ARMH3: variants seen among roughly 807,000 people sequenced by gnomAD.
ARMH3 encodes armadillo-like helical domain-containing protein 3.
In ARMH3, 60 loss-of-function variants were observed where a neutral mutation model predicts 99.1. The observed-to-expected ratio is 0.61, with a 90% CI of 0.49 to 0.75. The LOEUF (loss-of-function observed/expected upper bound fraction) is 0.75. Ranked by LOEUF, ARMH3 falls within the 30% of genes least tolerant of loss-of-function variation. The pLI is 0.00. For synonymous variants in ARMH3, 285 were observed against 292.8 expected (o/e 0.97, Z 0.27); for missense variants, 679 against 843.1 (o/e 0.81, Z 2.41).
At chr10:101,914,524 T>C (rs989282745) in intron 23 of ARMH3, among the ~76,000 whole-genome samples, 4 of 150,318 alleles carry the variant, frequency 2.7e-5, no homozygotes, top group African/African-American at 9.8e-5. Context: ...CCTGCTAACA[T>C]AAACCGTTAT....
rs75968713 is a variant in ARMH3, at chr10:102,043,029, G to A, written c.-11-2904C>T. Among the ~76,000 whole-genome samples the A allele has an allele frequency of 5.9e-5, 9 of 152,292 alleles. No homozygotes were observed. The East Asian group carries it at 7.7e-4, about 13-fold the overall frequency. Reference sequence around the variant, plus strand: ...AGAGGTTGCGGTGAGACGAGATTGCGCCACTGCACTCCAGCCTGGGCAACA... The same window carrying A: ...AGAGGTTGCGGTGAGACGAGATTGCACCACTGCACTCCAGCCTGGGCAACA... On this transcript the variant is annotated intron_variant, in intron 1 of 25. Transcript: ENST00000370033.
chr10:101,931,948 C>T (rs1371945713), intron 23 of ARMH3, among the ~76,000 whole-genome samples: 2 of 152,152 alleles, frequency 1.3e-5, no homozygotes, highest in African/African-American at 4.8e-5. Flanking sequence ...CATCAAAGGA[C>T]ACCATCAATG....
intron 23 of ARMH3, among the ~76,000 whole-genome samples, chr10:101,913,729 CT>C (rs1258339000): frequency 6.6e-6 from 1 of 152,180 alleles, no homozygotes; most frequent in African/African-American, 2.4e-5. Flanking sequence ...CTCAGCAGAC[CT>C]GTTTGGTTTG....
intron 8 of ARMH3, among the ~76,000 whole-genome samples, chr10:102,017,889 C>T (rs1273533105): frequency 1.3e-5 from 2 of 152,168 alleles, no homozygotes; most frequent in East Asian, 3.8e-4. Flanking sequence ...TCTTCCATAT[C>T]TCTTCTTATA....
chr10:102,021,485 C>A (rs2066883986), intron 8 of ARMH3, among the ~76,000 whole-genome samples: 1 of 151,918 alleles, frequency 6.6e-6, no homozygotes, highest in Admixed American at 6.6e-5. Context: ...TGGGCTCAAG[C>A]AATCCTCCTG....
At chr10:102,001,658 C>T (rs2066364014) in intron 15 of ARMH3, among the ~76,000 whole-genome samples, 1 of 152,222 alleles carries the variant, frequency 6.6e-6, no homozygotes, top group Admixed American at 6.5e-5. Flanking sequence ...GTGCTAATCC[C>T]TCCACTTCCC....
At chr10:101,883,798 C>T (rs1271790010) in intron 24 of ARMH3, among the ~76,000 whole-genome samples, 1 of 151,802 alleles carries the variant, frequency 6.6e-6, no homozygotes, top group Non-Finnish European at 1.5e-5. Context: ...TCGAGACTAG[C>T]CTGGAAAATA....
At chr10:101,921,590 C>T (rs1257709792) in intron 23 of ARMH3, among the ~76,000 whole-genome samples, 2 of 151,904 alleles carry the variant, frequency 1.3e-5, no homozygotes, top group East Asian at 1.9e-4. Context: ...TAAGTGTCTA[C>T]GAATGGACAA....
At position 101,992,049 on chromosome 10, in the gene ARMH3, A is replaced by G; in HGVS notation, c.1276-11T>C. 6.2e-7 allele frequency: 1 copy of G among 1,613,362 alleles called. No individual in the cohort carries two copies. Among genetic ancestry groups the G allele is most frequent in the Non-Finnish European group, 8.5e-7 (1 of 1,179,288 alleles). On this transcript the variant is annotated splice_polypyrimidine_tract_variant and intron_variant, in intron 17 of 25. Coordinates refer to ENST00000370033, the MANE Select transcript of ARMH3 (RefSeq NM_024541.3). ...CCTGTGTCTCATAGGCTTCACACCAAAAAAATGAAGAAAGGAAATTAGTAG... is the reference window on the plus strand; with the variant it reads ...CCTGTGTCTCATAGGCTTCACACCAGAAAAATGAAGAAAGGAAATTAGTAG...
At chr10:101,916,386 AAAAC>A (rs930437682) in intron 23 of ARMH3, among the ~76,000 whole-genome samples, 38 of 152,214 alleles carry the variant, frequency 2.5e-4, no homozygotes, top group Non-Finnish European at 4.7e-4. Flanking sequence ...CTCCCACTCA[AAAAC>A]AAACAAACAA....
intron 24 of ARMH3, among the ~76,000 whole-genome samples, chr10:101,856,901 C>T (rs1050212265): frequency 3.9e-5 from 6 of 152,132 alleles, no homozygotes; most frequent in Admixed American, 3.3e-4. Context: ...ATTCTGCAAG[C>T]TGATAATGGA....
At chr10:102,041,091 A>AT (rs1564878547) in intron 1 of ARMH3, among the ~76,000 whole-genome samples, 3 of 57,818 alleles carry the variant, frequency 5.2e-5, no homozygotes, top group Non-Finnish European at 8.6e-5. Context: ...TATATATATA[A>AT]TATATATATA....
At chr10:101,895,603 A>G (rs1233704500) in intron 23 of ARMH3, among the ~76,000 whole-genome samples, 1 of 152,160 alleles carries the variant, frequency 6.6e-6, no homozygotes, top group Non-Finnish European at 1.5e-5. Context: ...AATTCTTAAA[A>G]GTAAATCTTC....
chr10:101,950,130 T>C (rs1307740630), intron 22 of ARMH3, among the ~76,000 whole-genome samples: 1 of 152,008 alleles, frequency 6.6e-6, no homozygotes, highest in Non-Finnish European at 1.5e-5. Flanking sequence ...TAATTTAACA[T>C]AGTAGTGGAG....
chr10:101,897,991 C>T (rs943116148), intron 23 of ARMH3, among the ~76,000 whole-genome samples: 1 of 152,170 alleles, frequency 6.6e-6, no homozygotes, highest in East Asian at 1.9e-4. Context: ...TCCCAAGTGC[C>T]GGGTGGTTGT....
chr10:101,960,110 G>C (rs1448224730), intron 20 of ARMH3, among the ~76,000 whole-genome samples: 1 of 151,992 alleles, frequency 6.6e-6, no homozygotes, highest in Non-Finnish European at 1.5e-5. Flanking sequence ...CCCGGGAGGC[G>C]GAGGCTGCAG....
intron 20 of ARMH3, among the ~76,000 whole-genome samples, chr10:101,966,423 C>T (rs1480309204): frequency 6.6e-6 from 1 of 151,212 alleles, no homozygotes; most frequent in Non-Finnish European, 1.5e-5. Context: ...ATTACAGGCG[C>T]CCGCCACCAC....
intron 14 of ARMH3, among the ~76,000 whole-genome samples, chr10:102,002,730 T>G (rs572449567): frequency 6.6e-6 from 1 of 151,766 alleles, no homozygotes; most frequent in African/African-American, 2.4e-5. Context: ...GGAGCCCGAG[T>G]TGGGCACATC....
At chr10:101,894,092 G>A (rs2067759176) in intron 23 of ARMH3, among the ~76,000 whole-genome samples, 1 of 152,184 alleles carries the variant, frequency 6.6e-6, no homozygotes, top group Non-Finnish European at 1.5e-5. Flanking sequence ...GAACAGTCTA[G>A]ATTCAGTTAG....
Sources: allele counts gnomAD v4.1 joint callset (sites outside exome capture counted in the v4.1 genomes callset), GRCh38; gene constraint gnomAD v4.1.1; transcripts MANE v1.5; gene names NCBI Gene and HGNC (gene_info 2026-07-23, HGNC 2026-07-21).